Variants in DPYD observed in about 807,000 individuals in gnomAD.
The protein encoded by DPYD is dihydropyrimidine dehydrogenase [NADP(+)].
Under a neutral mutation model 116.2 loss-of-function variants are expected in DPYD, and 109 were observed. That is an observed-to-expected ratio of 0.94 (90% CI 0.80 to 1.10). The LOEUF (loss-of-function observed/expected upper bound fraction) is 1.10. DPYD is among the 50% of genes least tolerant of loss of function. The pLI is 0.00. For synonymous variants in DPYD, 440 were observed against 432.0 expected, an observed-to-expected ratio of 1.02 and a Z score of -0.23; for missense variants, 1,302 against 1,254.5, an observed-to-expected ratio of 1.04 and a Z score of -0.57.
At chr1:97,657,922 G>A (rs766790845) in intron 8 of DPYD, among the ~76,000 whole-genome samples, 1 of 152,098 alleles carries the variant, frequency 6.6e-6, no homozygotes, top group Non-Finnish European at 1.5e-5. Context: ...AAAGCAAACA[G>A]CAGCTTTTGC....
Position 97,079,165 on chromosome 1 carries a change from G to A in DPYD, c.2908-19C>T. On this transcript the variant is annotated intron_variant, in intron 22 of 22. Transcript: ENST00000370192. Reference sequence around the variant, plus strand: ...GTATAGCCTGCAAACAGAAATAGAGGGTATTGATGTCACTGACCACAAAGG... The same window carrying A: ...GTATAGCCTGCAAACAGAAATAGAGAGTATTGATGTCACTGACCACAAAGG... The A allele has an allele frequency of 6.2e-7, 1 of 1,612,476 alleles. No individual in the cohort carries two copies. The highest frequency in any genetic ancestry group is 1.8e-4 in the Middle Eastern group (1 of 5,588).
chr1:97,880,930 T>C (rs565209951), intron 2 of DPYD, among the ~76,000 whole-genome samples: 1 of 152,130 alleles, frequency 6.6e-6, no homozygotes, highest in Admixed American at 6.6e-5. Context: ...CATGACCCAC[T>C]GGTTGGAATT....
intron 12 of DPYD, among the ~76,000 whole-genome samples, chr1:97,522,976 G>C (rs1557770847): frequency 1.3e-5 from 2 of 151,990 alleles, no homozygotes; most frequent in Admixed American, 1.3e-4. Flanking sequence ...CTATGAAATT[G>C]AGGAATCCGC....
chr1:97,623,872 A>C (rs779046480), intron 8 of DPYD, among the ~76,000 whole-genome samples: 1 of 152,040 alleles, frequency 6.6e-6, no homozygotes, highest in African/African-American at 2.4e-5. Context: ...GCCAAGAATA[A>C]GCAATGGGTA....
intron 12 of DPYD, among the ~76,000 whole-genome samples, chr1:97,516,266 G>A (rs2101977772): frequency 6.6e-6 from 1 of 152,030 alleles, no homozygotes; most frequent in East Asian, 1.9e-4. Context: ...CAGTCTCTTT[G>A]TACTTAAGTT....
chr1:97,540,283 G>A (rs566276160), intron 12 of DPYD, among the ~76,000 whole-genome samples: 285 of 136,650 alleles, frequency 2.1e-3, no homozygotes, highest in Middle Eastern at 3.8e-3. Context: ...CCCCTTCTTC[G>A]GGTTAGATTA....
intron 20 of DPYD, among the ~76,000 whole-genome samples, chr1:97,187,097 G>A (rs905992647): frequency 6.6e-6 from 1 of 152,010 alleles, no homozygotes; most frequent in African/African-American, 2.4e-5. Context: ...AAACCCAATA[G>A]TAGGATTGCT....
intron 20 of DPYD, among the ~76,000 whole-genome samples, chr1:97,186,359 G>A (rs948999081): frequency 2.0e-5 from 3 of 152,042 alleles, no homozygotes; most frequent in African/African-American, 4.8e-5. Context: ...CATTGTACCC[G>A]TTAAGCAATT....
At chr1:97,702,831 T>G (rs1661677730) in intron 5 of DPYD, among the ~76,000 whole-genome samples, 1 of 152,014 alleles carries the variant, frequency 6.6e-6, no homozygotes, top group Non-Finnish European at 1.5e-5. Context: ...GAATAAAAAT[T>G]TAAGCCTTCT....
chr1:97,598,205 A>T (rs1473946863), intron 8 of DPYD, among the ~76,000 whole-genome samples: 1 of 152,190 alleles, frequency 6.6e-6, no homozygotes, highest in Non-Finnish European at 1.5e-5. Context: ...TCCACAAAGA[A>T]AGAAAAATGA....
chr1:97,349,443 C>T (rs1403451261), intron 16 of DPYD, among the ~76,000 whole-genome samples: 2 of 151,766 alleles, frequency 1.3e-5, no homozygotes, highest in African/African-American at 2.4e-5. Context: ...TGTGCTGCAC[C>T]CATTAACTCG....
chr1:97,550,214 A>G (rs569322313), intron 11 of DPYD, among the ~76,000 whole-genome samples: 1 of 152,266 alleles, frequency 6.6e-6, no homozygotes, highest in African/African-American at 2.4e-5. Flanking sequence ...AACATTTTAT[A>G]AAGCAAAATG....
At chr1:97,858,331 T>C (rs1473766259) in intron 2 of DPYD, among the ~76,000 whole-genome samples, 3 of 151,506 alleles carry the variant, frequency 2.0e-5, no homozygotes, top group African/African-American at 7.2e-5. Flanking sequence ...TCTGCTAAAA[T>C]AATCCAGAAA....
intron 20 of DPYD, among the ~76,000 whole-genome samples, chr1:97,129,467 T>C (rs1350324989): frequency 1.3e-5 from 2 of 152,132 alleles, no homozygotes; most frequent in Non-Finnish European, 2.9e-5. Context: ...CATTGATATA[T>C]AGTAACACAG....
chr1:97,882,481 T>C (rs773352139), intron 2 of DPYD, among the ~76,000 whole-genome samples: 9 of 152,032 alleles, frequency 5.9e-5, no homozygotes, highest in Non-Finnish European at 1.0e-4. Context: ...CGGTTCCAAT[T>C]GAGCTAATGT....
intron 16 of DPYD, among the ~76,000 whole-genome samples, chr1:97,323,610 ACACG>A (rs1668526991): frequency 3.5e-5 from 3 of 84,706 alleles, no homozygotes; most frequent in Non-Finnish European, 8.3e-5. Flanking sequence ...GTGTATATAT[ACACG>A]TATATATACA....
chr1:97,113,319 T>C (rs1300332866), intron 20 of DPYD, among the ~76,000 whole-genome samples: 2 of 152,164 alleles, frequency 1.3e-5, no homozygotes, highest in Non-Finnish European at 2.9e-5. Context: ...TGCTTCTTTC[T>C]GACTTGTGCA....
intron 3 of DPYD, among the ~76,000 whole-genome samples, chr1:97,762,236 G>A (rs894185278): frequency 2.6e-5 from 4 of 152,160 alleles, no homozygotes; most frequent in African/African-American, 9.7e-5. Flanking sequence ...GACATAGTCA[G>A]AGAAAAATTT....
intron 13 of DPYD, among the ~76,000 whole-genome samples, chr1:97,512,787 A>G (rs939462267): frequency 4.6e-5 from 7 of 151,898 alleles, no homozygotes; most frequent in Admixed American, 3.3e-4. Context: ...GAGCCGATAT[A>G]CATTTGTATA....
Sources: allele counts gnomAD v4.1 joint callset (sites outside exome capture counted in the v4.1 genomes callset), GRCh38; gene constraint gnomAD v4.1.1; transcripts MANE v1.5; gene names NCBI Gene and HGNC (gene_info 2026-07-23, HGNC 2026-07-21).